Variants in GPC5 observed in about 807,000 individuals in gnomAD.
GPC5 encodes glypican 5, also known as glypican-5.
A neutral mutation model predicts 53.9 loss-of-function variants in GPC5; 47 were observed. The observed-to-expected ratio is 0.87, with a 90% CI of 0.69 to 1.11. The LOEUF (loss-of-function observed/expected upper bound fraction) is 1.11. Ranked by LOEUF, GPC5 falls within the 50% of genes most tolerant of loss-of-function variation. The probability of loss-of-function intolerance (pLI) is 0.00; values close to 1 mark genes in which losing one functional copy is unlikely to be tolerated. For missense variants in GPC5, 748 were observed against 713.1 expected (o/e 1.05, Z -0.56); for synonymous variants, 286 against 263.3 (o/e 1.09, Z -0.84).
chr13:92,824,181 T>G (rs940007613), intron 7 of GPC5, among the ~76,000 whole-genome samples: 2 of 151,970 alleles, frequency 1.3e-5, no homozygotes, highest in African/African-American at 4.8e-5. Context: ...CCTCTTATCA[T>G]CTTACACCAG....
At chr13:92,436,616 C>G (rs1877315805) in intron 7 of GPC5, among the ~76,000 whole-genome samples, 1 of 151,954 alleles carries the variant, frequency 6.6e-6, no homozygotes, top group Non-Finnish European at 1.5e-5. Context: ...AGTTTGCTCT[C>G]CTGTAAGCCT....
At chr13:92,793,247 A>G (rs547817380) in intron 7 of GPC5, among the ~76,000 whole-genome samples, 4 of 152,290 alleles carry the variant, frequency 2.6e-5, no homozygotes, top group African/African-American at 7.2e-5. Flanking sequence ...AAAACCACAC[A>G]ACTGCATGGA....
intron 2 of GPC5, among the ~76,000 whole-genome samples, chr13:91,685,338 C>G (rs1031281701): frequency 1.3e-5 from 2 of 152,174 alleles, no homozygotes; most frequent in Non-Finnish European, 2.9e-5. Context: ...TGTAGAAAAT[C>G]ATTTTGCCCA....
intron 2 of GPC5, among the ~76,000 whole-genome samples, chr13:91,508,299 A>C (rs944959024): frequency 2.0e-5 from 3 of 152,186 alleles, no homozygotes; most frequent in Non-Finnish European, 4.4e-5. Flanking sequence ...TTGAGAGCAA[A>C]GGTAGATATT....
chr13:92,193,973 G>A (rs908776957), intron 7 of GPC5, among the ~76,000 whole-genome samples: 3 of 152,056 alleles, frequency 2.0e-5, no homozygotes, highest in African/African-American at 7.2e-5. Context: ...TTTTGAATCT[G>A]CAGTGTTTAG....
chr13:91,874,017 C>T (rs2039176593), intron 5 of GPC5, among the ~76,000 whole-genome samples: 1 of 152,126 alleles, frequency 6.6e-6, no homozygotes, highest in Non-Finnish European at 1.5e-5. Flanking sequence ...GCCTCAGTTT[C>T]CTGATCTCCG....
chr13:91,573,457 A>G (rs1460893802), intron 2 of GPC5, among the ~76,000 whole-genome samples: 1 of 152,196 alleles, frequency 6.6e-6, no homozygotes, highest in Non-Finnish European at 1.5e-5. Flanking sequence ...TCCTATGCGT[A>G]TTACAAAGTA....
intron 7 of GPC5, among the ~76,000 whole-genome samples, chr13:92,852,551 C>T (rs537263063): frequency 6.6e-6 from 1 of 152,244 alleles, no homozygotes; most frequent in Admixed American, 6.5e-5. Context: ...GACACATGTT[C>T]CTTCCAGGTG....
intron 7 of GPC5, among the ~76,000 whole-genome samples, chr13:92,270,173 A>G (rs2042830373): frequency 6.6e-6 from 1 of 152,160 alleles, no homozygotes; most frequent in African/African-American, 2.4e-5. Context: ...CAAATCATGT[A>G]AGAAGGAGAT....
At chr13:92,215,965 T>C (rs2042406898) in intron 7 of GPC5, among the ~76,000 whole-genome samples, 1 of 152,024 alleles carries the variant, frequency 6.6e-6, no homozygotes, top group South Asian at 2.1e-4. Context: ...GGTGAGAGGG[T>C]CTGGGAATGG....
At chr13:91,952,771 G>A (rs1450219193) in intron 6 of GPC5, among the ~76,000 whole-genome samples, 1 of 152,068 alleles carries the variant, frequency 6.6e-6, no homozygotes, top group South Asian at 2.1e-4. Context: ...TGAACAAAAA[G>A]ATACATTAGA....
chr13:92,340,536 T>C (rs1435809662), intron 7 of GPC5: 1 of 152,138 alleles, frequency 6.6e-6, no homozygotes, highest in African/African-American at 2.4e-5. Context: ...TGAACCTAAA[T>C]GTTAAATACA....
chr13:92,812,490 C>G (rs979330586), intron 7 of GPC5, among the ~76,000 whole-genome samples: 2 of 151,730 alleles, frequency 1.3e-5, no homozygotes, highest in Non-Finnish European at 2.9e-5. Context: ...ATTAAACAAG[C>G]TTTTATAAGT....
At chr13:92,247,476 A>G (rs1464334416) in intron 7 of GPC5, among the ~76,000 whole-genome samples, 5 of 152,144 alleles carry the variant, frequency 3.3e-5, no homozygotes, top group Non-Finnish European at 7.4e-5. Flanking sequence ...GGTTGCTGTT[A>G]AGATTGTCTT....
At chr13:92,482,392 CT>C (rs1375474780) in intron 7 of GPC5, among the ~76,000 whole-genome samples, 1 of 152,124 alleles carries the variant, frequency 6.6e-6, no homozygotes, top group Admixed American at 6.5e-5. Flanking sequence ...ATTAGGTAGC[CT>C]GAAGAATCTC....
intron 2 of GPC5, among the ~76,000 whole-genome samples, chr13:91,631,926 A>T (rs2034167588): frequency 6.6e-6 from 1 of 152,160 alleles, no homozygotes; most frequent in African/African-American, 2.4e-5. Context: ...GAAGAAAGGC[A>T]AAGGAAGTCC....
At chr13:91,500,213 T>G (rs1884541395) in intron 2 of GPC5, among the ~76,000 whole-genome samples, 1 of 152,216 alleles carries the variant, frequency 6.6e-6, no homozygotes, top group Non-Finnish European at 1.5e-5. Flanking sequence ...TCCTTGAGGA[T>G]AGGGACTTTT....
intron 7 of GPC5, among the ~76,000 whole-genome samples, chr13:92,372,507 A>G (rs1457513741): frequency 6.6e-6 from 1 of 152,154 alleles, no homozygotes; most frequent in Non-Finnish European, 1.5e-5. Flanking sequence ...AATTATTTTG[A>G]GTCAAACTAC....
intron 4 of GPC5, among the ~76,000 whole-genome samples, chr13:91,741,120 A>G (rs569150502): frequency 6.6e-6 from 1 of 152,110 alleles, no homozygotes; most frequent in African/African-American, 2.4e-5. Flanking sequence ...TAAAAATAAG[A>G]TATTTTTACT....
Sources: allele counts gnomAD v4.1 joint callset (sites outside exome capture counted in the v4.1 genomes callset), GRCh38; gene constraint gnomAD v4.1.1; transcripts MANE v1.5; gene names NCBI Gene and HGNC (gene_info 2026-07-23, HGNC 2026-07-21).